AK5: variants seen among roughly 807,000 people sequenced by gnomAD.
AK5 encodes the protein adenylate kinase 5, also known as adenylate kinase isoenzyme 5.
In AK5, 27 loss-of-function variants were observed where a neutral mutation model predicts 69.5. That is an observed-to-expected ratio of 0.39 (90% CI 0.29 to 0.54). The LOEUF (loss-of-function observed/expected upper bound fraction) is 0.54, where lower values mean the gene tolerates loss of function less well. Ranked by LOEUF, AK5 falls within the 20% of genes least tolerant of loss-of-function variation. AK5 has a pLI of 0.71. For missense variants in AK5, 531 were observed against 700.4 expected, an observed-to-expected ratio of 0.76 and a Z score of 2.73; for synonymous variants, 260 against 244.4, an observed-to-expected ratio of 1.06 and a Z score of -0.60.
chr1:77,486,072 G>GCCA (rs1655567506), intron 9 of AK5, among the ~76,000 whole-genome samples: 1 of 152,148 alleles, frequency 6.6e-6, no homozygotes, highest in Admixed American at 6.5e-5. Context: ...ACAAGATCGA[G>GCCA]CCACTGCACT....
intron 12 of AK5, among the ~76,000 whole-genome samples, chr1:77,533,509 CAAAA>C (rs10526328): frequency 0.011 from 1,075 of 94,838 alleles, 18 homozygotes; most frequent in African/African-American, 0.051. Context: ...ACTCTGTCAC[CAAAA>C]AAAAAAAAAA....
At chr1:77,542,793 C>T (rs1185300959) in intron 13 of AK5, among the ~76,000 whole-genome samples, 1 of 151,856 alleles carries the variant, frequency 6.6e-6, no homozygotes, top group Non-Finnish European at 1.5e-5. Flanking sequence ...GGTTTTTTTC[C>T]ATTTTTATAT....
chr1:77,498,620 G>A (rs1656507409), intron 10 of AK5, among the ~76,000 whole-genome samples: 1 of 152,194 alleles, frequency 6.6e-6, no homozygotes, highest in African/African-American at 2.4e-5. Context: ...GGGTTGATGG[G>A]AGAGTGAAAT....
intron 8 of AK5, among the ~76,000 whole-genome samples, chr1:77,419,515 A>G (rs1650664969): frequency 6.6e-6 from 1 of 152,222 alleles, no homozygotes; most frequent in African/African-American, 2.4e-5. Context: ...AAGAAGAAAG[A>G]AAAAGGGAAG....
chr1:77,359,274 A>G (rs1376391065), intron 6 of AK5, among the ~76,000 whole-genome samples: 1 of 151,940 alleles, frequency 6.6e-6, no homozygotes, highest in African/African-American at 2.4e-5. Flanking sequence ...AAAGAATTAT[A>G]AAAGAGAACC....
intron 8 of AK5, among the ~76,000 whole-genome samples, chr1:77,483,013 A>AGAGTTG (rs1655360476): frequency 8.2e-6 from 1 of 121,500 alleles, no homozygotes; most frequent in Non-Finnish European, 1.7e-5. Flanking sequence ...AAAAAAAAAA[A>AGAGTTG]AAAAAAAAAA....
At chr1:77,394,080 T>C (rs565032936) in intron 6 of AK5, among the ~76,000 whole-genome samples, 7 of 151,990 alleles carry the variant, frequency 4.6e-5, no homozygotes, top group Admixed American at 1.3e-4. Context: ...CTGGCTGTGG[T>C]GACGTGTACC....
Position 77,380,147 on chromosome 1 carries a change from G to A in AK5, c.892-30834G>A, listed in dbSNP as rs116187936. On this transcript the variant is annotated intron_variant, in intron 6 of 13. Transcript: ENST00000354567. ...GCAATTTCTCTTTGGCATCCTCCTCGGCAAGGTGGGATGCCAGAAACAACT... is the reference window on the plus strand; with the variant it reads ...GCAATTTCTCTTTGGCATCCTCCTCAGCAAGGTGGGATGCCAGAAACAACT... Among the ~76,000 whole-genome samples, 468 of 152,190 alleles carry A rather than the reference G, an allele frequency of 3.1e-3. 2 individuals are homozygous for A. The highest frequency in any genetic ancestry group is 0.01 in the African/African-American group (428 of 41,492).
chr1:77,368,424 A>C (rs1199939198), intron 6 of AK5, among the ~76,000 whole-genome samples: 3 of 145,764 alleles, frequency 2.1e-5, no homozygotes, highest in Non-Finnish European at 4.5e-5. Context: ...TATTTTAAAT[A>C]ATGTTGTACA....
At chr1:77,412,592 A>G (rs1254551382) in intron 7 of AK5, among the ~76,000 whole-genome samples, 1 of 152,154 alleles carries the variant, frequency 6.6e-6, no homozygotes, top group South Asian at 2.1e-4. Flanking sequence ...TAGCTCCAGG[A>G]AACTGTCGCT....
chr1:77,431,164 C>A (rs1264547640), intron 8 of AK5, among the ~76,000 whole-genome samples: 1 of 152,096 alleles, frequency 6.6e-6, no homozygotes, highest in Non-Finnish European at 1.5e-5. Flanking sequence ...TTCAGGGTTT[C>A]AAGAGAGTAG....
intron 5 of AK5, among the ~76,000 whole-genome samples, chr1:77,309,916 G>A (rs979022045): frequency 3.9e-5 from 6 of 151,938 alleles, no homozygotes; most frequent in South Asian, 2.1e-4. Flanking sequence ...AGTCATGTTC[G>A]AGATATGTTT....
intron 6 of AK5, among the ~76,000 whole-genome samples, chr1:77,400,410 T>C (rs1649128191): frequency 6.6e-6 from 1 of 152,178 alleles, no homozygotes; most frequent in Admixed American, 6.5e-5. Flanking sequence ...AATAAATCCA[T>C]ATAAAATCCA....
At chr1:77,391,495 G>GTGTCTATATATATATATATATATATATA in intron 6 of AK5, among the ~76,000 whole-genome samples, 1 of 63,452 alleles carries the variant, frequency 1.6e-5, no homozygotes, top group Non-Finnish European at 3.2e-5. Flanking sequence ...GTGTGTGTGT[G>GTGTCTATATATATATATATATATATATA]TATATATATA....
At chr1:77,470,849 ATATATATATATATATATATATATATATT>A (rs1301928865) in intron 8 of AK5, among the ~76,000 whole-genome samples, 20 of 2,060 alleles carry the variant, frequency 9.7e-3, no homozygotes, top group African/African-American at 0.033. Flanking sequence ...ATATATATAT[ATATATATATATATATATATATATATATT>A]TTTTTTTTTT....
At chr1:77,340,321 A>T in intron 5 of AK5, 56 bp from the exon 6 acceptor site, 2 of 1,490,984 alleles carry the variant, frequency 1.3e-6, no homozygotes, top group Non-Finnish European at 1.8e-6. Context: ...GCAGCTGCCC[A>T]CACATGCATT....
chr1:77,289,862 C>CAAAAA (rs55819317), intron 2 of AK5, among the ~76,000 whole-genome samples: 4 of 64,700 alleles, frequency 6.2e-5, no homozygotes, highest in East Asian at 4.3e-4. Context: ...GACTCCGTCT[C>CAAAAA]AAAAAAAAAA....
At chr1:77,318,678 G>A (rs775222834) in intron 5 of AK5, among the ~76,000 whole-genome samples, 2 of 151,256 alleles carry the variant, frequency 1.3e-5, no homozygotes, top group Non-Finnish European at 2.9e-5. Context: ...AATACACTTT[G>A]TTCTTGCTCC....
Position 77,558,765 on chromosome 1 carries a change from G to T in AK5, c.*95G>T. The T allele has an allele frequency of 1.2e-6, 1 of 864,996 alleles. No individual in the cohort carries two copies. Among genetic ancestry groups the T allele is most frequent in the South Asian group, 1.5e-5 (1 of 66,736 alleles). The allele number at this position is 864,996 out of a possible 1,614,324, so 53.6% of individuals were successfully genotyped here. The stretch of plus-strand genomic sequence containing the variant: ...TTCAAGTTAAACCTTTTGTGTCACC[G>T]CCCCCACCAACCACCACCTCCTAAA... On this transcript the variant is annotated 3_prime_UTR_variant, in exon 14 of 14. Coordinates refer to ENST00000354567, the MANE Select transcript of AK5 (RefSeq NM_174858.3).
Sources: gnomAD v4.1 joint callset for allele counts (sites outside exome capture counted in the v4.1 genomes callset) on GRCh38, gnomAD v4.1.1 for gene constraint, MANE v1.5 for transcripts, NCBI Gene and HGNC (gene_info 2026-07-23, HGNC 2026-07-21) for gene names.